Variants in SLC16A8 observed in about 807,000 individuals in gnomAD.
SLC16A8 encodes monocarboxylate transporter 3.
SLC16A8 carries 20 observed loss-of-function variants against 22.4 expected under a neutral mutation model. The ratio of observed to expected loss-of-function variants is 0.89; its 90% CI spans 0.63 to 1.30. SLC16A8 has a LOEUF of 1.30. Among genes scored for constraint, SLC16A8 ranks in the 50% most tolerant of loss-of-function variants. The probability of loss-of-function intolerance (pLI) is 0.00; values close to 1 mark genes in which losing one functional copy is unlikely to be tolerated. For missense variants in SLC16A8, 817 were observed against 740.3 expected (o/e 1.10, Z -1.20); for synonymous variants, 393 against 358.8 (o/e 1.10, Z -1.08).
chr22:38,081,989 C>T lies in SLC16A8; in HGVS notation c.258G>A (p.Pro86=). The change falls in exon 4 of 6, where the codon CCG becomes CCA. Residue 86 remains proline (P), a synonymous_variant. Transcript: ENST00000681075. ...SILVTRFGCR[P]VMLAGGLLAS... ...CCAGCAGCCCACCCGCCAGCATCAC[C>T]GGGCGACAGCCAAAGCGGGTCACGA... 2 of 1,574,410 alleles carry T rather than the reference C, an allele frequency of 1.3e-6. No individual in the cohort carries two copies. The highest frequency in any genetic ancestry group is 1.8e-5 in the Admixed American group (1 of 54,256).
Position 38,078,652 on chromosome 22 carries a change from G to GC in SLC16A8, c.1250dup (p.Ser418LeufsTer2). ...AGACCCCAGCCAGGGCCACCTCAGA[G>GC]CCGGCCAGGTAGAAGATGATCTCAT... On this transcript the variant is annotated frameshift_variant, in exon 6 of 6. Transcript: ENST00000681075. LOFTEE classifies it low-confidence loss of function (END_TRUNC). 1.9e-6 allele frequency: 3 copies of GC among 1,613,716 alleles called. No individual in the cohort carries two copies. The highest frequency in any genetic ancestry group is 2.5e-6 in the Non-Finnish European group (3 of 1,179,668).
chr22:38,081,230 G>A lies in SLC16A8; in HGVS notation c.808C>T (p.Pro270Ser), dbSNP rs913805622. 3.8e-6 allele frequency: 6 copies of A among 1,579,874 alleles called. No homozygotes were observed. The highest frequency in any genetic ancestry group is 5.2e-6 in the Non-Finnish European group (6 of 1,163,812). ...KFLMALGLFV[P>S]AILLVNYAKD... ...GCGTAGTTCACCAGCAGGATGGCGG[G>A]GACGAAGAGCCCGAGCGCCATCAGG... The change falls in exon 5 of 6, where the codon CCC becomes TCC. Residue 270 changes from proline (P) to serine (S), a missense_variant. Physicochemically the swap from Pro to Ser is moderately conservative, Grantham distance 74 (BLOSUM62 -1). Transcript: ENST00000681075.
chr22:38,078,838 T>TA, intron 5 of SLC16A8, 134 bp from the exon 6 acceptor site: 1 of 695,556 alleles, frequency 1.4e-6, no homozygotes, highest in Admixed American at 2.9e-5. Context: ...GCCCACTCTT[T>TA]ATTCCTGTTT....
In SLC16A8 at chr22:38,081,087, C is replaced by CA. The variant is rs772900086; in HGVS notation, c.950_951insT (p.His318AlafsTer93). 7.7e-6 allele frequency: 12 copies of CA among 1,560,990 alleles called. No individual in the cohort carries two copies. In the East Asian group the frequency reaches 2.8e-4, roughly 36 times the overall value. On this transcript the variant is annotated frameshift_variant, in exon 5 of 6. Coordinates refer to ENST00000681075, the MANE Select transcript of SLC16A8 (RefSeq NM_013356.3). LOFTEE classifies it high-confidence loss of function. ...CCAGGCTGAACAGATACGGGACGTG[C>CA]GGCCGCAGACGCGCCAGGCCCGCCA...
chr22:38,081,721 C>T, intron 4 of SLC16A8, 42 bp from the exon 5 acceptor site: 1 of 1,461,622 alleles, frequency 6.8e-7, no homozygotes, highest in Non-Finnish European at 9.0e-7. Context: ...CCGGAGAGCC[C>T]CTCCCTGGCC....
chr22:38,078,206 G>GC lies in SLC16A8; in HGVS notation c.*181dup, dbSNP rs1302874617. The GC allele has an allele frequency of 6.6e-6, 4 of 609,100 alleles. No homozygotes were observed. In the East Asian group the frequency reaches 1.1e-4, roughly 17 times the overall value. The allele number at this position is 609,100 out of a possible 1,614,324, so 37.7% of individuals were successfully genotyped here. ...GCAGCTTCACTGGCGATGGGGCAGG[G>GC]CCTGGCGGAACTTGGGGCACAGATG... On this transcript the variant is annotated 3_prime_UTR_variant, in exon 6 of 6. Transcript: ENST00000681075.
Position 38,082,847 on chromosome 22 carries a change from GC to G in SLC16A8, c.26del (p.Gly9AlafsTer31). On this transcript the variant is annotated frameshift_variant, in exon 3 of 6. Coordinates refer to ENST00000681075, the MANE Select transcript of SLC16A8 (RefSeq NM_013356.3). LOFTEE classifies it high-confidence loss of function. MGAGGPRRGEGPPDGGWGW... is the reference protein window; with the variant it reads MGAGGPRRXEGPPDGGWGW... The stretch of plus-strand genomic sequence containing the variant: ...CCCAGCCGCCGTCTGGGGGGCCCTC[GC>G]CCCGCCGGGGGCCGCCAGCGCCCAT... 1 of 1,558,174 alleles carries G rather than the reference GC, an allele frequency of 6.4e-7. No homozygotes were observed.
intron 3 of SLC16A8, 112 bp downstream of exon 3, chr22:38,082,548 G>C: frequency 1.1e-6 from 1 of 876,686 alleles, no homozygotes. Flanking sequence ...CAGGCAGGAA[G>C]GGACTTCGGG....
Position 38,080,958 on chromosome 22 carries a change from C to G in SLC16A8, c.1080G>C (p.Val360=), listed in dbSNP as rs1488837939. The G allele has an allele frequency of 1.3e-6, 2 of 1,593,778 alleles. No individual in the cohort carries two copies. The highest frequency in any genetic ancestry group is 2.3e-5 in the East Asian group (1 of 44,376). Residue 360 remains valine, a synonymous_variant, in exon 5 of 6, where the codon GTG becomes GTC. Coordinates refer to ENST00000681075, the MANE Select transcript of SLC16A8 (RefSeq NM_013356.3). The part of the protein sequence containing the change: ...CVAFGLSYGM[V]GALQFEVLMA... Reference sequence around the variant, plus strand: ...TGAGCACCTCGAACTGCAGCGCGCCCACCATGCCGTAGGAGAGGCCGAAGG... The same window carrying G: ...TGAGCACCTCGAACTGCAGCGCGCCGACCATGCCGTAGGAGAGGCCGAAGG...
chr22:38,080,205 C>CA (rs879764974), intron 5 of SLC16A8, among the ~76,000 whole-genome samples: 42 of 152,102 alleles, frequency 2.8e-4, no homozygotes, highest in African/African-American at 1.0e-3. Context: ...TGTTCCCCCC[C>CA]AACAAGCCCT....
Position 38,081,585 on chromosome 22 carries a change from C to T in SLC16A8, c.453G>A (p.Ala151=), listed in dbSNP as rs1160462819. The T allele has an allele frequency of 2.6e-6, 4 of 1,512,338 alleles. No individual in the cohort carries two copies. Among genetic ancestry groups the T allele is most frequent in the East Asian group, 5.3e-5 (2 of 37,610 alleles). 93.7% of individuals were successfully genotyped at this position (1,512,338 alleles called of 1,614,324 possible). The change falls in exon 5 of 6, where the codon GCG becomes GCA. Residue 151 remains alanine (A), a synonymous_variant. Transcript: ENST00000681075. ...GCGCGGACAGGAACACGGGGCTGCC[C>T]GCCGCCGCCAGCCCGTTGGCCAGAG... is the stretch of plus-strand genomic sequence containing the variant. ...RRPLANGLAA[A]GSPVFLSALS... is the part of the protein sequence containing the mutation.
intron 5 of SLC16A8, among the ~76,000 whole-genome samples, chr22:38,080,552 T>A (rs1215775410): frequency 6.6e-6 from 1 of 152,160 alleles, no homozygotes; most frequent in African/African-American, 2.4e-5. Flanking sequence ...ATCTGCAAAA[T>A]GAGAATAAGC....
intron 3 of SLC16A8, among the ~76,000 whole-genome samples, chr22:38,082,419 G>A (rs1261342839): frequency 6.6e-6 from 1 of 152,214 alleles, no homozygotes; most frequent in African/African-American, 2.4e-5. Flanking sequence ...TACAATGGGC[G>A]GGTGTGGTCT....
intron 5 of SLC16A8, among the ~76,000 whole-genome samples, chr22:38,080,008 A>C (rs2085892983): frequency 6.6e-6 from 1 of 152,156 alleles, no homozygotes; most frequent in Non-Finnish European, 1.5e-5. Flanking sequence ...ACCCCATCTC[A>C]GTGCAGCCTG....
At chr22:38,082,453 AG>A (rs1219439447) in intron 3 of SLC16A8, among the ~76,000 whole-genome samples, 1 of 152,220 alleles carries the variant, frequency 6.6e-6, no homozygotes, top group Non-Finnish European at 1.5e-5. Flanking sequence ...CTGAGCTCGC[AG>A]GGCAGCCCCC....
chr22:38,080,021 G>A (rs141031105), intron 5 of SLC16A8, among the ~76,000 whole-genome samples: 16 of 152,324 alleles, frequency 1.1e-4, no homozygotes, highest in African/African-American at 3.8e-4. Context: ...GCAGCCTGCG[G>A]CCCCCGCAAG....
intron 3 of SLC16A8, 111 bp from the exon 4 acceptor site, chr22:38,082,143 G>A (rs2085927767): frequency 7.8e-7 from 1 of 1,281,044 alleles, no homozygotes; most frequent in Non-Finnish European, 1.1e-6. Context: ...TCTGGCCAAG[G>A]TCACACAGCT....
At position 38,078,399 on chromosome 22, in the gene SLC16A8, C is replaced by T. The variant is rs187455529; in HGVS notation, c.1504G>A (p.Glu502Lys). The T allele has an allele frequency of 2.4e-4, 384 of 1,599,468 alleles. 2 individuals carry two copies. In the East Asian group the frequency reaches 5.4e-3, roughly 22 times the overall value. The change falls in exon 6 of 6, where the codon GAG (glutamate) becomes AAG (lysine). Residue 502 changes from glutamate to lysine, a missense_variant. Transcript: ENST00000681075. Reference sequence around the variant, plus strand: ...CAGAGCACCCTGAGTTATACAGACTCGGCAGCCAGCCTCGGCCTCGCCTCT... The same window carrying T: ...CAGAGCACCCTGAGTTATACAGACTTGGCAGCCAGCCTCGGCCTCGCCTCT... Reference protein sequence around the residue: ...EIEARPRLAAESV With the variant: ...EIEARPRLAAKSV
chr22:38,081,344 C>G lies in SLC16A8; in HGVS notation c.694G>C (p.Ala232Pro). 6.8e-7 allele frequency: 1 copy of G among 1,462,872 alleles called. No homozygotes were observed. The highest frequency in any genetic ancestry group is 9.0e-7 in the Non-Finnish European group (1 of 1,109,506). 90.6% of individuals were successfully genotyped at this position (1,462,872 alleles called of 1,614,324 possible). Residue 232 changes from alanine to proline, a missense_variant, in exon 5 of 6, where the codon GCA becomes CCA. Ala to Pro is a conservative substitution (Grantham distance 27, BLOSUM62 -1). Transcript: ENST00000681075. The stretch of plus-strand genomic sequence containing the variant: ...CGGCGGGGCCGGACCCTGGGGGATG[C>G]CTCGCGCAGCTGCAGCCCCGCACCG... ...ADGAGLQLRE[A>P]SPRVRPRRRL...
Sources: allele counts gnomAD v4.1 joint callset (sites outside exome capture counted in the v4.1 genomes callset), GRCh38; gene constraint gnomAD v4.1.1; transcripts MANE v1.5; gene names NCBI Gene and HGNC (gene_info 2026-07-23, HGNC 2026-07-21).